The following SYNPO2 variants were observed in gnomAD, a reference collection of about 807,000 sequenced individuals.
The protein encoded by SYNPO2 is synaptopodin-2.
In SYNPO2, 56 loss-of-function variants were observed where a neutral mutation model predicts 85.0. The observed-to-expected ratio is 0.66, with a 90% CI of 0.53 to 0.82. SYNPO2 has a LOEUF of 0.82. Among genes scored for constraint, SYNPO2 ranks in the 40% least tolerant of loss-of-function variants. The pLI is 0.00. For missense variants in SYNPO2, 1,575 were observed against 1,534.2 expected (o/e 1.03, Z -0.44); for synonymous variants, 602 against 591.1 (o/e 1.02, Z -0.27).
chr4:118,969,518 T>G (rs760181228), intron 1 of SYNPO2, among the ~76,000 whole-genome samples: 1 of 152,206 alleles, frequency 6.6e-6, no homozygotes, highest in African/African-American at 2.4e-5. Context: ...GTCTTTTATA[T>G]CCCATTGGAG....
chr4:119,038,779 G>T (rs2149195865), intron 4 of SYNPO2, among the ~76,000 whole-genome samples: 1 of 152,290 alleles, frequency 6.6e-6, no homozygotes, highest in African/African-American at 2.4e-5. Flanking sequence ...GCAGTCAAGT[G>T]CATGAGGCAG....
chr4:118,970,200 C>A (rs1331316729), intron 1 of SYNPO2, among the ~76,000 whole-genome samples: 1 of 152,158 alleles, frequency 6.6e-6, no homozygotes, highest in Non-Finnish European at 1.5e-5. Flanking sequence ...ATTCTCTTAA[C>A]AATTATCTGT....
At chr4:118,950,746 G>C (rs1734668150) in intron 1 of SYNPO2, among the ~76,000 whole-genome samples, 1 of 152,114 alleles carries the variant, frequency 6.6e-6, no homozygotes, top group African/African-American at 2.4e-5. Flanking sequence ...GTCTCTCCTT[G>C]GTTAGTGAGG....
intron 1 of SYNPO2, among the ~76,000 whole-genome samples, chr4:119,010,348 C>A (rs982467724): frequency 6.6e-6 from 1 of 152,038 alleles, no homozygotes. Flanking sequence ...TGGTGGGAGG[C>A]AAAAGGTACT....
At chr4:119,010,845 G>A (rs1737269806) in intron 1 of SYNPO2, among the ~76,000 whole-genome samples, 1 of 152,142 alleles carries the variant, frequency 6.6e-6, no homozygotes, top group African/African-American at 2.4e-5. Context: ...GGTAACATAA[G>A]CAAATCTTTA....
chr4:118,925,147 G>C (rs982464980), intron 1 of SYNPO2, among the ~76,000 whole-genome samples: 1 of 152,142 alleles, frequency 6.6e-6, no homozygotes, highest in Non-Finnish European at 1.5e-5. Flanking sequence ...GGAGTGCACC[G>C]AAGTTTTAAG....
intron 1 of SYNPO2, among the ~76,000 whole-genome samples, chr4:118,976,329 G>A (rs985605978): frequency 6.6e-6 from 1 of 152,112 alleles, no homozygotes; most frequent in Non-Finnish European, 1.5e-5. Flanking sequence ...CGCTGGGCTC[G>A]TGGTCTCAAG....
chr4:118,862,725 T>G (rs910515722), intron 1 of SYNPO2, among the ~76,000 whole-genome samples: 34 of 152,314 alleles, frequency 2.2e-4, no homozygotes, highest in Non-Finnish European at 4.4e-4. Flanking sequence ...TGAATTCAGT[T>G]TGCTAGTATT....
At chr4:119,039,460 C>A (rs952362480) in intron 4 of SYNPO2, among the ~76,000 whole-genome samples, 32 of 152,240 alleles carry the variant, frequency 2.1e-4, no homozygotes, top group African/African-American at 7.0e-4. Context: ...AGTGCAACAT[C>A]TTAGAGTTTG....
chr4:119,057,771 C>G lies in SYNPO2; in HGVS notation c.3623C>G (p.Ser1208Cys), dbSNP rs116407078. 6.2e-7 allele frequency: 1 copy of G among 1,614,040 alleles called. No individual in the cohort carries two copies. Among genetic ancestry groups the G allele is most frequent in the Non-Finnish European group, 8.5e-7 (1 of 1,180,008 alleles). The change falls in exon 5 of 5, where the codon TCC (serine) becomes TGC (cysteine). Residue 1208 changes from serine to cysteine, a missense_variant. Transcript: ENST00000307142. The part of the protein sequence containing the change: ...EYNVTANNNM[S>C]TTSQYGSQLP... ...AATGTCACAGCCAATAATAATATGT[C>G]CACCACCTCCCAATATGGTTCACAG...
At chr4:119,044,820 T>C (rs1738827456) in intron 4 of SYNPO2, among the ~76,000 whole-genome samples, 1 of 152,226 alleles carries the variant, frequency 6.6e-6, no homozygotes, top group African/African-American at 2.4e-5. Flanking sequence ...GAAAAGCAGT[T>C]ACAAAGGCCA....
At position 119,030,485 on chromosome 4, in the gene SYNPO2, C is replaced by T; in HGVS notation, c.1710C>T (p.Phe570=). ...GCCATGTTCCCCAACAGAATGGCTT[C>T]AGTGGGACATCTGAGACAGCAAACA... The part of the protein sequence containing the change: ...GLGHVPQQNG[F]SGTSETANIQ... The change falls in exon 4 of 5, where the codon TTC becomes TTT. Residue 570 remains phenylalanine, a synonymous_variant. Transcript: ENST00000307142. 6.2e-7 allele frequency: 1 copy of T among 1,614,082 alleles called. No individual in the cohort carries two copies. The highest frequency in any genetic ancestry group is 1.1e-5 in the South Asian group (1 of 91,078).
At chr4:118,957,091 A>T (rs1485067275) in intron 1 of SYNPO2, among the ~76,000 whole-genome samples, 1 of 152,078 alleles carries the variant, frequency 6.6e-6, no homozygotes, top group Non-Finnish European at 1.5e-5. Flanking sequence ...TGACATGGTG[A>T]TAAGAAGCTA....
chr4:118,916,417 C>T (rs1010331723), intron 1 of SYNPO2, among the ~76,000 whole-genome samples: 3 of 151,912 alleles, frequency 2.0e-5, no homozygotes, highest in Admixed American at 6.6e-5. Context: ...AAGTGATCCA[C>T]CCCCCTCAGC....
intron 1 of SYNPO2, among the ~76,000 whole-genome samples, chr4:118,948,407 C>T (rs1734578175): frequency 6.6e-6 from 1 of 152,138 alleles, no homozygotes; most frequent in Admixed American, 6.5e-5. Context: ...AGAATCAATG[C>T]CTATCAATTT....
At chr4:118,885,070 G>T (rs1732174272), upstream of SYNPO2, among the ~76,000 whole-genome samples, 1 of 152,218 alleles carries the variant, frequency 6.6e-6, no homozygotes. Context: ...GGACTGAATA[G>T]CTTGGAGAAA....
chr4:119,030,681 G>C lies in SYNPO2; in HGVS notation c.1906G>C (p.Val636Leu), dbSNP rs1258131202. The change falls in exon 4 of 5, where the codon GTT (valine) becomes CTT (leucine). Residue 636 changes from valine (V) to leucine (L), a missense_variant. This residue lies in a region of SYNPO2 where 1,508 missense variants were observed against 1,446.8 expected (regional missense o/e 1.04). Transcript: ENST00000307142. ...TCCCCCTGACGCCTTCTCCAGAGGG[G>C]TTTCAAGTCCGATTGCTGGCCCAGC... ...TPPPDAFSRG[V>L]SSPIAGPAQP... 3.1e-6 allele frequency: 5 copies of C among 1,614,026 alleles called. No individual in the cohort carries two copies. The highest frequency in any genetic ancestry group is 4.2e-6 in the Non-Finnish European group (5 of 1,180,036).
chr4:118,981,100 A>G (rs17050195), intron 1 of SYNPO2, among the ~76,000 whole-genome samples: 6,486 of 152,320 alleles, frequency 0.043, 470 homozygotes, highest in African/African-American at 0.15. Context: ...AGAGCAGTTT[A>G]GAAGAACTAG....
intron 1 of SYNPO2, among the ~76,000 whole-genome samples, chr4:118,963,037 T>C (rs1735166982): frequency 6.6e-6 from 1 of 152,184 alleles, no homozygotes; most frequent in African/African-American, 2.4e-5. Flanking sequence ...GGAGAGGTCA[T>C]TTTTCAAAGT....
Sources: gnomAD v4.1 joint callset for allele counts (sites outside exome capture counted in the v4.1 genomes callset) on GRCh38, gnomAD v4.1.1 for gene constraint, gnomAD v4.1.1 regional missense constraint, MANE v1.5 for transcripts, NCBI Gene and HGNC (gene_info 2026-07-23, HGNC 2026-07-21) for gene names.